Variants in RAB44 observed in about 807,000 individuals in gnomAD.
The protein encoded by RAB44 is RAB44, member RAS oncogene family, also known as ras-related protein Rab-44.
RAB44 carries 67 observed loss-of-function variants against 93.3 expected under a neutral mutation model. That is an observed-to-expected ratio of 0.72 (90% CI 0.59 to 0.88). RAB44 has a LOEUF of 0.88. Among genes scored for constraint, RAB44 ranks in the 40% least tolerant of loss-of-function variants. The probability of loss-of-function intolerance (pLI) is 0.00; values close to 1 mark genes in which losing one functional copy is unlikely to be tolerated. For missense variants in RAB44, 1,064 were observed against 1,261.7 expected, an observed-to-expected ratio of 0.84 and a Z score of 2.37; for synonymous variants, 427 against 520.3, an observed-to-expected ratio of 0.82 and a Z score of 2.44.
Position 36,717,368 on chromosome 6 carries a change from G to A in RAB44, c.590G>A (p.Arg197His), listed in dbSNP as rs1008547265. Reference sequence around the variant, plus strand: ...GGCTTTCTGGCCAAGATGACCAGCCGCCTGCAGGAGGCCCAGGCGGACAAG... The same window carrying A: ...GGCTTTCTGGCCAAGATGACCAGCCACCTGCAGGAGGCCCAGGCGGACAAG... ...LAGFLAKMTS[R>H]LQEAQADKEA... Residue 197 changes from arginine (R) to histidine (H), a missense_variant, in exon 5 of 14, where the codon CGC (arginine) becomes CAC (histidine). Arg to His is a conservative substitution (Grantham distance 29, BLOSUM62 0). Transcript: ENST00000612677. This position sits in a 1 kb window ranked among gnomAD's most constrained non-coding sequence, Gnocchi z 4.1. 12 of 1,232,092 alleles carry A rather than the reference G, an allele frequency of 9.7e-6. No homozygotes were observed. Among genetic ancestry groups the A allele is most frequent in the Non-Finnish European group, 1.2e-5 (12 of 988,008 alleles). 76.3% of individuals were successfully genotyped at this position (1,232,092 alleles called of 1,614,324 possible).
intron 1 of RAB44, among the ~76,000 whole-genome samples, chr6:36,703,668 C>T (rs923118768): frequency 6.6e-6 from 1 of 151,862 alleles, no homozygotes; most frequent in East Asian, 1.9e-4. Context: ...CTGCGTGTGT[C>T]GAAGGACTAG....
Position 36,715,501 on chromosome 6 carries a change from GA to G in RAB44, c.343del (p.Ser115AlafsTer80). ...CAGAAAACATCTTTGGCTCCAGCCA[GA>G]GCCCCCACAGGCTCCGCAGAAGGAA... ...GLKNIFGSSQ[S>X]PHRLRRRKPL... On this transcript the variant is annotated frameshift_variant, in exon 4 of 14. Coordinates refer to ENST00000612677, the MANE Select transcript of RAB44 (RefSeq NM_001257357.2). LOFTEE classifies it high-confidence loss of function. 28 of 1,536,136 alleles carry G rather than the reference GA, an allele frequency of 1.8e-5. No individual in the cohort carries two copies. Among genetic ancestry groups the G allele is most frequent in the Non-Finnish European group, 2.4e-5 (27 of 1,146,902 alleles).
chr6:36,730,767 CCCG>C lies in RAB44; in HGVS notation c.2975+24_2975+26del. 8.9e-7 allele frequency: 1 copy of C among 1,124,074 alleles called. No homozygotes were observed. Among genetic ancestry groups the C allele is most frequent in the Non-Finnish European group, 1.1e-6 (1 of 914,090 alleles). The allele number at this position is 1,124,074 out of a possible 1,614,324, so 69.6% of individuals were successfully genotyped here. A position where few individuals can be genotyped will look rare whatever the true frequency, so the allele number is the denominator to read the frequency against. Reference sequence around the variant, plus strand: ...CTGGCCAGGTAAGTGCTGCCCGCCCCCCGCCGCCCCCACCCCCCCCCTTGCAGA... The same window carrying C: ...CTGGCCAGGTAAGTGCTGCCCGCCCCCCGCCCCCACCCCCCCCCTTGCAGA... On this transcript the variant is annotated intron_variant, in intron 13 of 13. Coordinates refer to ENST00000612677, the MANE Select transcript of RAB44 (RefSeq NM_001257357.2).
intron 1 of RAB44, among the ~76,000 whole-genome samples, chr6:36,703,860 C>T (rs77682938): frequency 0.015 from 2,286 of 152,210 alleles, 70 homozygotes; most frequent in African/African-American, 0.051. Flanking sequence ...CCTGTGTAAC[C>T]ACCCTCCAGG....
At chr6:36,709,396 T>G (rs1312386325) in intron 2 of RAB44, among the ~76,000 whole-genome samples, 1 of 152,240 alleles carries the variant, frequency 6.6e-6, no homozygotes, top group South Asian at 2.1e-4. Flanking sequence ...ACATTCTATA[T>G]CCATTCAAGT....
chr6:36,717,952 C>A lies in RAB44; in HGVS notation c.642-76C>A. The A allele has an allele frequency of 1.1e-6, 1 of 917,466 alleles. No individual in the cohort carries two copies. The highest frequency in any genetic ancestry group is 1.4e-6 in the Non-Finnish European group (1 of 700,968). The allele number at this position is 917,466 out of a possible 1,614,324, so 56.8% of individuals were successfully genotyped here. On this transcript the variant is annotated intron_variant, in intron 5 of 13. Coordinates refer to ENST00000612677, the MANE Select transcript of RAB44 (RefSeq NM_001257357.2). The surrounding 1 kb of genome is among the most constrained non-coding windows in gnomAD (Gnocchi z 4.1). ...CAATAGGATGGATTCCAAACCCAAG[C>A]CCAGACTGCCCCTGCCAGCAGCAGG...
chr6:36,701,752 G>T (rs956726447), intron 1 of RAB44, among the ~76,000 whole-genome samples: 2 of 152,136 alleles, frequency 1.3e-5, no homozygotes, highest in Non-Finnish European at 2.9e-5. Context: ...GAGAACAGGA[G>T]TTAGTCACAC....
rs867072261 is a variant in RAB44 at position 36,717,240 on chromosome 6, C to G, written c.495-33C>G. On this transcript the variant is annotated intron_variant, in intron 4 of 13. Transcript: ENST00000612677. This position sits in a 1 kb window ranked among gnomAD's most constrained non-coding sequence, Gnocchi z 4.1. Reference sequence around the variant, plus strand: ...CTTCTCCATCCCACCTTGTGTCTGACCCTCCCATCTCTGGCTGTCTTCCCC... The same window carrying G: ...CTTCTCCATCCCACCTTGTGTCTGAGCCTCCCATCTCTGGCTGTCTTCCCC... 4 of 1,232,056 alleles carry G rather than the reference C, an allele frequency of 3.2e-6. No individual in the cohort carries two copies. The African/African-American group carries it at 6.2e-5, about 19-fold the overall frequency. The allele number at this position is 1,232,056 out of a possible 1,614,324, so 76.3% of individuals were successfully genotyped here.
At position 36,731,949 on chromosome 6, in the gene RAB44, C is replaced by T. The variant is rs573940402; in HGVS notation, c.2976-54C>T. On this transcript the variant is annotated intron_variant, in intron 13 of 13. Transcript: ENST00000612677. The surrounding 1 kb of genome is among the most constrained non-coding windows in gnomAD (Gnocchi z 4.0). ...CCCCAGCTGCACCCATGGGCCCATC[C>T]GTGCTGCCCGTAGGAGGTGAGAGAG... 17 of 1,161,026 alleles carry T rather than the reference C, an allele frequency of 1.5e-5. No homozygotes were observed. Among genetic ancestry groups the T allele is most frequent in the South Asian group, 4.4e-5 (1 of 22,758 alleles). The allele number at this position is 1,161,026 out of a possible 1,614,324, so 71.9% of individuals were successfully genotyped here.
At chr6:36,723,439 T>C (rs1225869292) in intron 9 of RAB44, among the ~76,000 whole-genome samples, 1 of 152,116 alleles carries the variant, frequency 6.6e-6, no homozygotes, top group African/African-American at 2.4e-5. Context: ...TATTTGATCA[T>C]GTCTAACTCA....
chr6:36,710,085 T>C (rs1762744128), intron 2 of RAB44, among the ~76,000 whole-genome samples: 1 of 152,226 alleles, frequency 6.6e-6, no homozygotes. Flanking sequence ...TTTTTAAATG[T>C]ACCATTCAGT....
At chr6:36,701,555 C>T (rs894013726) in intron 1 of RAB44, among the ~76,000 whole-genome samples, 4 of 152,210 alleles carry the variant, frequency 2.6e-5, no homozygotes, top group Admixed American at 2.0e-4. Context: ...AGTATAATCT[C>T]TCCTGCCCTG....
chr6:36,723,336 G>C (rs1763144805), intron 9 of RAB44, among the ~76,000 whole-genome samples: 1 of 152,182 alleles, frequency 6.6e-6, no homozygotes, highest in Non-Finnish European at 1.5e-5. Context: ...TTGAGGACTA[G>C]TTAATATGTC....
In RAB44 at chr6:36,728,753, T is replaced by C; in HGVS notation, c.2850T>C (p.Cys950=). ...VILLLGNKMD[C]EEERQVSVEA... ...TTCTCCTGGGAAACAAGATGGACTG[T>C]GAGGAGGAACGGCAAGTGTCCGTGG... is the stretch of plus-strand genomic sequence containing the variant. Residue 950 remains cysteine (C), a synonymous_variant, in exon 12 of 14, where the codon TGT becomes TGC. Coordinates refer to ENST00000612677, the MANE Select transcript of RAB44 (RefSeq NM_001257357.2). The C allele has an allele frequency of 6.4e-7, 1 of 1,550,470 alleles. No individual in the cohort carries two copies. The highest frequency in any genetic ancestry group is 8.7e-7 in the Non-Finnish European group (1 of 1,146,940).
intron 2 of RAB44, 105 bp downstream of exon 2, chr6:36,704,547 C>T (rs1762596806): frequency 9.4e-7 from 1 of 1,061,740 alleles, no homozygotes. Context: ...CTGCCCCTTT[C>T]TCTCATTTAG....
intron 9 of RAB44, among the ~76,000 whole-genome samples, chr6:36,724,183 T>A (rs868412889): frequency 3.3e-4 from 44 of 131,798 alleles, no homozygotes; most frequent in African/African-American, 1.0e-3. Flanking sequence ...TTATTTATTT[T>A]TTGAGATGGA....
At chr6:36,726,082 T>C in intron 10 of RAB44, 139 bp downstream of exon 10, 1 of 669,760 alleles carries the variant, frequency 1.5e-6, no homozygotes, top group Admixed American at 2.2e-5. Context: ...GAGAGATGAG[T>C]CAAGCCCAAG....
intron 8 of RAB44, among the ~76,000 whole-genome samples, chr6:36,720,939 A>G (rs1227420690): frequency 2.0e-5 from 3 of 152,132 alleles, no homozygotes; most frequent in Non-Finnish European, 4.4e-5. Flanking sequence ...TTCCTGGAGG[A>G]GGTGAGGCTT....
At position 36,732,171 on chromosome 6, in the gene RAB44, G is replaced by C. The variant is rs979626164; in HGVS notation, c.*78G>C. 1 of 945,832 alleles carries C rather than the reference G, an allele frequency of 1.1e-6. No homozygotes were observed. Among genetic ancestry groups the C allele is most frequent in the African/African-American group, 1.7e-5 (1 of 58,742 alleles). 58.6% of individuals were successfully genotyped at this position (945,832 alleles called of 1,614,324 possible). ...AGCTCCTGTCCTTTGTTCCTGGACA[G>C]CAACGACACAGAGGACCAGCTTGGA... On this transcript the variant is annotated 3_prime_UTR_variant, in exon 14 of 14. Transcript: ENST00000612677.
Sources: gnomAD v4.1 joint callset for allele counts (sites outside exome capture counted in the v4.1 genomes callset) on GRCh38, gnomAD v4.1.1 for gene constraint, Gnocchi (gnomAD v3.1) non-coding constraint, MANE v1.5 for transcripts, NCBI Gene and HGNC (gene_info 2026-07-23, HGNC 2026-07-21) for gene names.